NXPH2: variants seen among roughly 807,000 people sequenced by gnomAD.
The protein encoded by NXPH2 is neurexophilin 2.
In NXPH2, 5 loss-of-function variants were observed where a neutral mutation model predicts 19.8. The ratio of observed to expected loss-of-function variants is 0.25; its 90% CI spans 0.13 to 0.53. The LOEUF (loss-of-function observed/expected upper bound fraction) is 0.53. Ranked by LOEUF, NXPH2 falls within the 20% of genes least tolerant of loss-of-function variation. The pLI, the probability that NXPH2 is intolerant of heterozygous loss-of-function variation, is 0.96. For missense variants in NXPH2, 289 were observed against 322.8 expected, an observed-to-expected ratio of 0.90 and a Z score of 0.80; for synonymous variants, 154 against 127.4, an observed-to-expected ratio of 1.21 and a Z score of -1.41.
intron 1 of NXPH2, among the ~76,000 whole-genome samples, chr2:138,736,068 T>G (rs1333144119): frequency 6.6e-6 from 1 of 152,202 alleles, no homozygotes; most frequent in African/African-American, 2.4e-5. Flanking sequence ...GCTTTCACGG[T>G]CTGGCATTGA....
At chr2:138,705,321 T>C (rs947824320) in intron 1 of NXPH2, among the ~76,000 whole-genome samples, 3 of 152,098 alleles carry the variant, frequency 2.0e-5, no homozygotes, top group African/African-American at 7.2e-5. Flanking sequence ...ATTTGATATA[T>C]GGAATTCTCA....
Position 138,670,804 on chromosome 2 carries a change from G to T in NXPH2, c.*118C>A. The T allele has an allele frequency of 1.9e-6, 2 of 1,047,438 alleles. No individual in the cohort carries two copies. Among genetic ancestry groups the T allele is most frequent in the South Asian group, 4.0e-5 (2 of 49,650 alleles). The allele number at this position is 1,047,438 out of a possible 1,614,324, so 64.9% of individuals were successfully genotyped here. On this transcript the variant is annotated 3_prime_UTR_variant, in exon 2 of 2. Transcript: ENST00000272641. ...TTTTTTAAATTTGAAAACCTGATAGGGAACTATTGTTCACTGCCAGAAACA... is the reference window on the plus strand; with the variant it reads ...TTTTTTAAATTTGAAAACCTGATAGTGAACTATTGTTCACTGCCAGAAACA...
At chr2:138,681,942 G>T (rs1680585470) in intron 1 of NXPH2, among the ~76,000 whole-genome samples, 1 of 152,148 alleles carries the variant, frequency 6.6e-6, no homozygotes, top group South Asian at 2.1e-4. Context: ...GAACCCCAAA[G>T]TGACCGCTAT....
At chr2:138,763,934 T>C (rs1682053041) in intron 1 of NXPH2, among the ~76,000 whole-genome samples, 1 of 152,170 alleles carries the variant, frequency 6.6e-6, no homozygotes, top group Non-Finnish European at 1.5e-5. Flanking sequence ...CATTCATCCA[T>C]TCAAGCATTT....
intron 1 of NXPH2, among the ~76,000 whole-genome samples, chr2:138,720,836 A>C (rs1290620406): frequency 6.6e-6 from 1 of 152,244 alleles, no homozygotes; most frequent in Non-Finnish European, 1.5e-5. Context: ...TGTGAACATT[A>C]AACCAGATAC....
rs1680403399 is a variant in NXPH2, at chr2:138,670,902, T to C, written c.*20A>G. Reference sequence around the variant, plus strand: ...TAATCAAATACATATGTATCCCTCATTTCCACCACAGCAGGAAGATCAGCC... The same window carrying C: ...TAATCAAATACATATGTATCCCTCACTTCCACCACAGCAGGAAGATCAGCC... On this transcript the variant is annotated 3_prime_UTR_variant, in exon 2 of 2. Transcript: ENST00000272641. The C allele has an allele frequency of 6.2e-7, 1 of 1,601,728 alleles. No homozygotes were observed. Among genetic ancestry groups the C allele is most frequent in the African/African-American group, 1.3e-5 (1 of 74,770 alleles).
intron 1 of NXPH2, among the ~76,000 whole-genome samples, chr2:138,698,451 GA>G (rs1680862403): frequency 6.6e-6 from 1 of 152,064 alleles, no homozygotes; most frequent in Non-Finnish European, 1.5e-5. Flanking sequence ...TCCCTATTTT[GA>G]AAGAAGTCAA....
At chr2:138,711,721 A>C (rs923486385) in intron 1 of NXPH2, among the ~76,000 whole-genome samples, 44 of 152,124 alleles carry the variant, frequency 2.9e-4, no homozygotes, top group African/African-American at 1.1e-3. Flanking sequence ...CCTAACAGAC[A>C]TGTCCCCTCC....
At chr2:138,731,798 G>T (rs1681457313) in intron 1 of NXPH2, among the ~76,000 whole-genome samples, 1 of 152,022 alleles carries the variant, frequency 6.6e-6, no homozygotes, top group South Asian at 2.1e-4. Flanking sequence ...GCAGGAGACA[G>T]TAGAACGGCC....
intron 1 of NXPH2, among the ~76,000 whole-genome samples, chr2:138,772,809 C>A (rs529306044): frequency 3.3e-5 from 5 of 152,296 alleles, no homozygotes; most frequent in South Asian, 2.1e-4. Context: ...AAAGACAGCA[C>A]TCATCATCAA....
At chr2:138,759,077 G>A (rs1432259833) in intron 1 of NXPH2, among the ~76,000 whole-genome samples, 1 of 151,944 alleles carries the variant, frequency 6.6e-6, no homozygotes, top group Admixed American at 6.6e-5. Context: ...AAAGACTCTG[G>A]TGCATCATTT....
chr2:138,758,544 G>A (rs961693327), intron 1 of NXPH2, among the ~76,000 whole-genome samples: 3 of 152,124 alleles, frequency 2.0e-5, no homozygotes, highest in Admixed American at 2.0e-4. Context: ...TCACAATAGT[G>A]TTTCTCTTCA....
chr2:138,720,571 C>T (rs1558921663), intron 1 of NXPH2, among the ~76,000 whole-genome samples: 1 of 152,200 alleles, frequency 6.6e-6, no homozygotes, highest in Non-Finnish European at 1.5e-5. Context: ...GACCAGGTCA[C>T]TGAGGCACTG....
intron 1 of NXPH2, among the ~76,000 whole-genome samples, chr2:138,733,967 G>A (rs1334726535): frequency 6.6e-6 from 1 of 152,190 alleles, no homozygotes; most frequent in African/African-American, 2.4e-5. Flanking sequence ...GAATGAGGGT[G>A]AGCATGGTGG....
At chr2:138,719,957 C>T (rs375083303) in intron 1 of NXPH2, among the ~76,000 whole-genome samples, 4 of 152,140 alleles carry the variant, frequency 2.6e-5, no homozygotes, top group East Asian at 1.9e-4. Flanking sequence ...AACTTTAAAG[C>T]AAATTTCAAT....
Position 138,671,131 on chromosome 2 carries a change from G to A in NXPH2, c.586C>T (p.Arg196Trp), listed in dbSNP as rs199969261. 12 of 1,613,856 alleles carry A rather than the reference G, an allele frequency of 7.4e-6. No individual in the cohort carries two copies. Among genetic ancestry groups the A allele is most frequent in the South Asian group, 2.2e-5 (2 of 91,060 alleles). ...NCRIEYEKTDRAKKTALCNFD... is the reference protein window; with the variant it reads ...NCRIEYEKTDWAKKTALCNFD... ...TTGCACAGGGCGGTCTTTTTCGCCC[G>A]ATCTGTTTTTTCATACTCAATGCGA... is the stretch of plus-strand genomic sequence containing the variant. Residue 196 changes from arginine to tryptophan, a missense_variant, in exon 2 of 2, where the codon CGG (arginine) becomes TGG (tryptophan). Physicochemically the swap from Arg to Trp is moderately radical, Grantham distance 101. Transcript: ENST00000272641.
At chr2:138,739,011 T>A (rs1558926251) in intron 1 of NXPH2, among the ~76,000 whole-genome samples, 1 of 152,190 alleles carries the variant, frequency 6.6e-6, no homozygotes, top group Non-Finnish European at 1.5e-5. Context: ...CAGAGTTATT[T>A]TTTTTTGAGA....
chr2:138,705,239 C>A (rs1680991409), intron 1 of NXPH2, among the ~76,000 whole-genome samples: 1 of 152,136 alleles, frequency 6.6e-6, no homozygotes, highest in South Asian at 2.1e-4. Flanking sequence ...GTTGAGATTA[C>A]AGGCATCAGC....
chr2:138,731,350 C>T (rs570507039), intron 1 of NXPH2, among the ~76,000 whole-genome samples: 9 of 151,888 alleles, frequency 5.9e-5, no homozygotes, highest in East Asian at 5.8e-4. Context: ...TTAAGCAATA[C>T]GCTTTTATTG....
Sources: gnomAD v4.1 joint callset for allele counts (sites outside exome capture counted in the v4.1 genomes callset) on GRCh38, gnomAD v4.1.1 for gene constraint, MANE v1.5 for transcripts, NCBI Gene and HGNC (gene_info 2026-07-23, HGNC 2026-07-21) for gene names.